OSTM1: variants seen among roughly 807,000 people sequenced by gnomAD.
The protein encoded by OSTM1 is osteoclastogenesis associated transmembrane protein 1.
OSTM1 carries 26 observed loss-of-function variants against 35.4 expected under a neutral mutation model. The observed-to-expected ratio is 0.73, with a 90% confidence interval of 0.54 to 1.02. OSTM1 has a LOEUF of 1.02. Among genes scored for constraint, OSTM1 ranks in the 50% least tolerant of loss-of-function variants. OSTM1 has a pLI of 0.00. For missense variants in OSTM1, 366 were observed against 409.6 expected, an observed-to-expected ratio of 0.89 and a Z score of 0.92; for synonymous variants, 181 against 165.0, an observed-to-expected ratio of 1.10 and a Z score of -0.75.
chr6:108,072,069 T>C (rs1772495218), intron 1 of OSTM1, among the ~76,000 whole-genome samples: 1 of 152,266 alleles, frequency 6.6e-6, no homozygotes, highest in Middle Eastern at 3.4e-3. Context: ...AGAAAAGCAT[T>C]TGCTGCCTTC....
chr6:108,074,301 G>T lies in OSTM1; in HGVS notation c.351C>A (p.Pro117=), dbSNP rs776360383. Residue 117 remains proline, a synonymous_variant, in exon 1 of 6, where the codon CCC becomes CCA. Coordinates refer to ENST00000193322, the MANE Select transcript of OSTM1 (RefSeq NM_014028.4). Reference sequence around the variant, plus strand: ...TCTTGCTGACGACCTGTTGGAAGAGGGGGTAGCAGGTCTGACAGAGGCGCA... The same window carrying T: ...TCTTGCTGACGACCTGTTGGAAGAGTGGGTAGCAGGTCTGACAGAGGCGCA... ...RPVRLCQTCY[P]LFQQVVSKMD... 3.1e-6 allele frequency: 5 copies of T among 1,612,452 alleles called. No individual in the cohort carries two copies. The highest frequency in any genetic ancestry group is 2.2e-5 in the South Asian group (2 of 90,998).
Position 108,044,567 on chromosome 6 carries a change from A to T in OSTM1, c.*218T>A. 2.3e-6 allele frequency: 1 copy of T among 434,646 alleles called. No homozygotes were observed. The highest frequency in any genetic ancestry group is 4.1e-6 in the Non-Finnish European group (1 of 243,412). 26.9% of individuals were successfully genotyped at this position (434,646 alleles called of 1,614,324 possible). A position where few individuals can be genotyped will look rare whatever the true frequency, so the allele number is the denominator to read the frequency against. On this transcript the variant is annotated 3_prime_UTR_variant, in exon 6 of 6. Transcript: ENST00000193322. ...TTGTGACAAATACACATTAAAATAG[A>T]TAACATTGCTATGCCTGGAAATTAA...
rs545759140 is a variant in OSTM1, at chr6:108,071,460, ATTTT to A, written c.402+2786_402+2789del. Among the ~76,000 whole-genome samples the A allele has an allele frequency of 3.0e-3, 314 of 103,406 alleles. 2 individuals are homozygous for A. Among genetic ancestry groups the A allele is most frequent in the African/African-American group, 0.011 (270 of 24,272 alleles). The allele number at this position is 103,406 out of a possible 152,430, so 67.8% of individuals were successfully genotyped here. On this transcript the variant is annotated intron_variant, in intron 1 of 5. Coordinates refer to ENST00000193322, the MANE Select transcript of OSTM1 (RefSeq NM_014028.4). ...AGCTGCGCACCACCACACCCGGCTA[ATTTT>A]TTTTTTTTTTTTTTTTTTTTGTATT...
At chr6:108,070,987 G>T (rs1397922404) in intron 1 of OSTM1, among the ~76,000 whole-genome samples, 1 of 149,594 alleles carries the variant, frequency 6.7e-6, no homozygotes, top group African/African-American at 2.5e-5. Flanking sequence ...AGGAGATTGA[G>T]ACCATCCTGG....
intron 2 of OSTM1, among the ~76,000 whole-genome samples, chr6:108,055,561 C>T (rs59915954): frequency 6.6e-6 from 1 of 152,284 alleles, no homozygotes; most frequent in East Asian, 1.9e-4. Context: ...TATCTCCAAT[C>T]GAGGTTCAAC....
intron 1 of OSTM1, 43 bp from the exon 2 acceptor site, chr6:108,064,342 C>G: frequency 9.1e-7 from 1 of 1,095,008 alleles, no homozygotes. Context: ...TGAGTATTTT[C>G]AGACTTTGCA....
intron 2 of OSTM1, among the ~76,000 whole-genome samples, chr6:108,056,891 C>T (rs1772179011): frequency 6.6e-6 from 1 of 152,108 alleles, no homozygotes. Context: ...GAAACTAAGC[C>T]ACAGAAATAG....
chr6:108,048,749 C>CTTTTT (rs575605197), intron 5 of OSTM1, among the ~76,000 whole-genome samples: 13 of 111,784 alleles, frequency 1.2e-4, no homozygotes, highest in African/African-American at 2.6e-4. Context: ...TGTGTTTTAA[C>CTTTTT]TTTTTTTTTT....
rs538535479 is a variant in OSTM1 at position 108,055,097 on chromosome 6, T to C, written c.518-510A>G. ...GAGTTGGGAGCCCAGAGAAACAAAC[T>C]GGTGAGAATTTTGCCTAAAATACTG... On this transcript the variant is annotated intron_variant, in intron 2 of 5. Transcript: ENST00000193322. 1.6e-4 allele frequency among the ~76,000 whole-genome samples: 24 copies of C among 152,316 alleles called. No homozygotes were observed. In the South Asian group the frequency reaches 3.7e-3, roughly 24 times the overall value.
intron 2 of OSTM1, among the ~76,000 whole-genome samples, chr6:108,063,437 T>C (rs1242252811): frequency 6.6e-6 from 1 of 152,230 alleles, no homozygotes; most frequent in East Asian, 1.9e-4. Context: ...CCAAGGACTC[T>C]ATAACTTTAT....
chr6:108,055,011 A>G (rs1220397724), intron 2 of OSTM1, among the ~76,000 whole-genome samples: 6 of 152,156 alleles, frequency 3.9e-5, no homozygotes, highest in African/African-American at 1.2e-4. Flanking sequence ...AACTTCACTA[A>G]TGAGTCATTT....
At chr6:108,068,617 A>G (rs1047831400) in intron 1 of OSTM1, among the ~76,000 whole-genome samples, 1 of 152,032 alleles carries the variant, frequency 6.6e-6, no homozygotes, top group Non-Finnish European at 1.5e-5. Flanking sequence ...ATTTCTCCAC[A>G]TCATGATGGC....
intron 1 of OSTM1, 67 bp from the exon 2 acceptor site, chr6:108,064,366 A>C (rs1470937472): frequency 1.4e-5 from 12 of 841,932 alleles, no homozygotes; most frequent in Non-Finnish European, 2.0e-5. Context: ...AACTTGAGGC[A>C]AAAACCTTAC....
At chr6:108,052,926 GA>G (rs1336734349) in intron 3 of OSTM1, among the ~76,000 whole-genome samples, 1 of 152,158 alleles carries the variant, frequency 6.6e-6, no homozygotes, top group Non-Finnish European at 1.5e-5. Context: ...CGCCACCAAT[GA>G]ACTGACAACT....
Position 108,067,817 on chromosome 6 carries a change from G to A in OSTM1, c.403-3518C>T, listed in dbSNP as rs1323910955. 1.4e-4 allele frequency among the ~76,000 whole-genome samples: 18 copies of A among 124,630 alleles called. No individual in the cohort carries two copies. In the Admixed American group the frequency reaches 1.5e-3, roughly 11 times the overall value. 81.8% of individuals were successfully genotyped at this position (124,630 alleles called of 152,430 possible). A position where few individuals can be genotyped will look rare whatever the true frequency, so the allele number is the denominator to read the frequency against. On this transcript the variant is annotated intron_variant, in intron 1 of 5. Coordinates refer to ENST00000193322, the MANE Select transcript of OSTM1 (RefSeq NM_014028.4). Reference sequence around the variant, plus strand: ...TGCACTCCAGCTTGGTTGACAGAGCGAGCCTCTGTCTAAAAAAAAAAAAAA... The same window carrying A: ...TGCACTCCAGCTTGGTTGACAGAGCAAGCCTCTGTCTAAAAAAAAAAAAAA...
intron 3 of OSTM1, among the ~76,000 whole-genome samples, chr6:108,053,708 T>C (rs977461967): frequency 1.3e-5 from 2 of 152,118 alleles, no homozygotes; most frequent in African/African-American, 4.8e-5. Flanking sequence ...TCAAGTGACC[T>C]GCCTGCCTTG....
At chr6:108,053,806 ACCAC>A (rs1772124485) in intron 3 of OSTM1, among the ~76,000 whole-genome samples, 2 of 152,208 alleles carry the variant, frequency 1.3e-5, no homozygotes, top group African/African-American at 4.8e-5. Flanking sequence ...ATTCAGTGTT[ACCAC>A]ATTTATTACA....
chr6:108,056,418 T>G (rs1772170672), intron 2 of OSTM1, among the ~76,000 whole-genome samples: 2 of 152,134 alleles, frequency 1.3e-5, no homozygotes, highest in Non-Finnish European at 2.9e-5. Context: ...CATTAAAAGT[T>G]CAAGACTCGG....
At chr6:108,048,139 A>G (rs910893886) in intron 5 of OSTM1, among the ~76,000 whole-genome samples, 2 of 152,228 alleles carry the variant, frequency 1.3e-5, no homozygotes, top group African/African-American at 4.8e-5. Context: ...AAACTGATCT[A>G]CAGGTAACCT....
Sources: gnomAD v4.1 joint callset for allele counts (sites outside exome capture counted in the v4.1 genomes callset) on GRCh38, gnomAD v4.1.1 for gene constraint, MANE v1.5 for transcripts, NCBI Gene and HGNC (gene_info 2026-07-23, HGNC 2026-07-21) for gene names.